The following KCNMB2 variants were observed in gnomAD, a reference collection of about 807,000 sequenced individuals.
KCNMB2 encodes potassium calcium-activated channel subfamily M regulatory beta subunit 2.
KCNMB2 carries 9 observed loss-of-function variants against 24.5 expected under a neutral mutation model. That is an observed-to-expected ratio of 0.37 (90% CI 0.22 to 0.64). KCNMB2 has a LOEUF of 0.64. KCNMB2 is among the 30% of genes least tolerant of loss of function. The pLI, the probability that KCNMB2 is intolerant of heterozygous loss-of-function variation, is 0.63. For missense variants in KCNMB2, 226 were observed against 284.3 expected (o/e 0.79, Z 1.47); for synonymous variants, 109 against 104.4 (o/e 1.04, Z -0.27).
At chr3:178,830,226 CCTTT>C (rs2108471439) in intron 4 of KCNMB2, among the ~76,000 whole-genome samples, 1 of 152,248 alleles carries the variant, frequency 6.6e-6, no homozygotes, top group Non-Finnish European at 1.5e-5. Flanking sequence ...AGAATACTTT[CCTTT>C]CTGTCTGGTT....
chr3:178,645,887 T>G (rs1371163120), intron 1 of KCNMB2, among the ~76,000 whole-genome samples: 1 of 152,194 alleles, frequency 6.6e-6, no homozygotes, highest in African/African-American at 2.4e-5. Context: ...ATAAAAAGTA[T>G]TAGGCATTTA....
chr3:178,823,601 T>C (rs538240373), intron 2 of KCNMB2, among the ~76,000 whole-genome samples: 13 of 152,280 alleles, frequency 8.5e-5, no homozygotes, highest in African/African-American at 2.6e-4. Context: ...CATGGAAATA[T>C]ATTAAGTACA....
chr3:178,777,504 T>C (rs549544898), intron 1 of KCNMB2, among the ~76,000 whole-genome samples: 1 of 152,266 alleles, frequency 6.6e-6, no homozygotes, highest in East Asian at 1.9e-4. Flanking sequence ...TGGAAAGCAA[T>C]CCAGAGTGTT....
intron 1 of KCNMB2, among the ~76,000 whole-genome samples, chr3:178,605,944 A>G (rs749551858): frequency 4.6e-5 from 7 of 152,192 alleles, no homozygotes; most frequent in Non-Finnish European, 1.0e-4. Flanking sequence ...GCAGCCATCC[A>G]TATTGCAAAA....
chr3:178,639,385 C>T (rs1206876480), intron 1 of KCNMB2, among the ~76,000 whole-genome samples: 1 of 152,104 alleles, frequency 6.6e-6, no homozygotes, highest in African/African-American at 2.4e-5. Context: ...AATCTACCTA[C>T]TTGATCACTA....
chr3:178,572,352 G>T (rs1716834879), intron 1 of KCNMB2, among the ~76,000 whole-genome samples: 1 of 152,122 alleles, frequency 6.6e-6, no homozygotes, highest in Non-Finnish European at 1.5e-5. Flanking sequence ...GAAAATCACT[G>T]ATTTTTCTCA....
chr3:178,735,329 G>C (rs1367603975), intron 1 of KCNMB2, among the ~76,000 whole-genome samples: 1 of 114,196 alleles, frequency 8.8e-6, no homozygotes, highest in Non-Finnish European at 1.8e-5. Flanking sequence ...CTTCACTCCA[G>C]GGTGCCAAGA....
At chr3:178,749,555 C>CTGT (rs1414408357) in intron 1 of KCNMB2, among the ~76,000 whole-genome samples, 1 of 152,220 alleles carries the variant, frequency 6.6e-6, no homozygotes, top group African/African-American at 2.4e-5. Context: ...AATCTAGATA[C>CTGT]TGTTCTGTGC....
In KCNMB2 at chr3:178,636,410, AAAGT is replaced by A. The variant is rs149336670; in HGVS notation, c.-68+99703_-68+99706del. On this transcript the variant is annotated intron_variant, in intron 1 of 4. Transcript: ENST00000452583. Reference sequence around the variant, plus strand: ...CAATAACTTACGAAAAAAATAAAATAAAGTAAGAGGCACAAGTAACATTAAAAAA... The same window carrying A: ...CAATAACTTACGAAAAAAATAAAATAAAGAGGCACAAGTAACATTAAAAAA... 8.2e-3 allele frequency among the ~76,000 whole-genome samples: 1,246 copies of A among 152,346 alleles called. 11 individuals carry two copies. The highest frequency in any genetic ancestry group is 0.027 in the African/African-American group (1,113 of 41,582).
At chr3:178,721,139 A>C (rs1722791407) in intron 1 of KCNMB2, among the ~76,000 whole-genome samples, 2 of 152,148 alleles carry the variant, frequency 1.3e-5, no homozygotes, top group African/African-American at 4.8e-5. Context: ...TCTACCTTGA[A>C]TTAATTTTTG....
intron 1 of KCNMB2, among the ~76,000 whole-genome samples, chr3:178,672,071 AC>A (rs1334909241): frequency 2.0e-5 from 3 of 151,836 alleles, no homozygotes; most frequent in African/African-American, 7.3e-5. Context: ...TCCTCCTAAC[AC>A]CCTTTTTCTC....
At chr3:178,660,081 C>G (rs901142709) in intron 1 of KCNMB2, among the ~76,000 whole-genome samples, 1 of 152,036 alleles carries the variant, frequency 6.6e-6, no homozygotes, top group African/African-American at 2.4e-5. Flanking sequence ...AGCCTCATAG[C>G]CAAGCAAAAG....
intron 1 of KCNMB2, among the ~76,000 whole-genome samples, chr3:178,631,909 A>G (rs1273104760): frequency 2.0e-5 from 3 of 152,236 alleles, no homozygotes; most frequent in African/African-American, 7.2e-5. Flanking sequence ...TTCTAGCCAC[A>G]GCTTCACATC....
chr3:178,678,998 GT>G (rs1189809880), intron 1 of KCNMB2, among the ~76,000 whole-genome samples: 101 of 147,104 alleles, frequency 6.9e-4, no homozygotes, highest in African/African-American at 2.2e-3. Flanking sequence ...TGTTGTTGTT[GT>G]TGTCATTGTT....
intron 1 of KCNMB2, among the ~76,000 whole-genome samples, chr3:178,721,696 C>T (rs1722812674): frequency 6.6e-6 from 1 of 152,176 alleles, no homozygotes; most frequent in Non-Finnish European, 1.5e-5. Context: ...AACAGCAATG[C>T]AAAAGAGTTC....
intron 1 of KCNMB2, among the ~76,000 whole-genome samples, chr3:178,663,268 G>T (rs1253188830): frequency 1.3e-5 from 2 of 152,090 alleles, no homozygotes; most frequent in Non-Finnish European, 2.9e-5. Context: ...AATGTGGAGA[G>T]AGCTCAACAA....
intron 4 of KCNMB2, among the ~76,000 whole-genome samples, chr3:178,829,384 G>C (rs921512127): frequency 1.3e-5 from 2 of 152,114 alleles, no homozygotes; most frequent in African/African-American, 4.8e-5. Context: ...CTAGCACATA[G>C]AGAGTGAATG....
At chr3:178,720,303 C>T (rs1287575424) in intron 1 of KCNMB2, among the ~76,000 whole-genome samples, 2 of 146,038 alleles carry the variant, frequency 1.4e-5, no homozygotes, top group South Asian at 2.2e-4. Context: ...CTACAAAGGA[C>T]ATGAACTCAT....
intron 1 of KCNMB2, among the ~76,000 whole-genome samples, chr3:178,551,281 C>G (rs926891261): frequency 3.3e-5 from 5 of 152,182 alleles, no homozygotes; most frequent in African/African-American, 1.2e-4. Context: ...TGAATTCACT[C>G]TAAACTTATC....
Sources: gnomAD v4.1 joint callset for allele counts (sites outside exome capture counted in the v4.1 genomes callset) on GRCh38, gnomAD v4.1.1 for gene constraint, MANE v1.5 for transcripts, NCBI Gene and HGNC (gene_info 2026-07-23, HGNC 2026-07-21) for gene names.